NELL1: variants seen among roughly 807,000 people sequenced by gnomAD.
NELL1 encodes the protein neural EGFL like 1.
Under a neutral mutation model 107.4 loss-of-function variants are expected in NELL1, and 76 were observed. The observed-to-expected ratio is 0.71, with a 90% CI of 0.59 to 0.86. The LOEUF (loss-of-function observed/expected upper bound fraction) is 0.86, where lower values mean the gene tolerates loss of function less well. NELL1 is among the 40% of genes least tolerant of loss of function. The pLI, the probability that NELL1 is intolerant of heterozygous loss-of-function variation, is 0.00. For missense variants in NELL1, 1,024 were observed against 1,005.5 expected (o/e 1.02, Z -0.25); for synonymous variants, 353 against 341.2 (o/e 1.03, Z -0.38).
At chr11:20,677,829 T>C in intron 1 of NELL1, 103 bp from the exon 2 acceptor site, 1 of 1,356,450 alleles carries the variant, frequency 7.4e-7, no homozygotes, top group Non-Finnish European at 1.0e-6. Flanking sequence ...CAAGCACTCA[T>C]CATTGGCTTC....
chr11:20,688,354 G>C (rs1854361853), intron 2 of NELL1, among the ~76,000 whole-genome samples: 1 of 152,060 alleles, frequency 6.6e-6, no homozygotes, highest in Non-Finnish European at 1.5e-5. Flanking sequence ...ATAGTACCCA[G>C]TGGTTTTTCA....
chr11:21,141,380 A>T (rs192306002), intron 13 of NELL1, among the ~76,000 whole-genome samples: 1 of 152,330 alleles, frequency 6.6e-6, no homozygotes, highest in African/African-American at 2.4e-5. Flanking sequence ...TTTCTTTGGC[A>T]ATCACATACA....
At chr11:21,041,288 G>T (rs762617748) in intron 12 of NELL1, among the ~76,000 whole-genome samples, 11 of 152,080 alleles carry the variant, frequency 7.2e-5, no homozygotes, top group Non-Finnish European at 1.3e-4. Flanking sequence ...TTGCGTAGTC[G>T]CTTTGAGTTA....
intron 4 of NELL1, among the ~76,000 whole-genome samples, chr11:20,854,749 C>A (rs1848851457): frequency 6.6e-6 from 1 of 152,086 alleles, no homozygotes; most frequent in Non-Finnish European, 1.5e-5. Flanking sequence ...CCATGGAGGC[C>A]TTGGTAGCTC....
chr11:20,990,574 A>G lies in NELL1; in HGVS notation c.1300+30014A>G, dbSNP rs566701320. 2.6e-5 allele frequency among the ~76,000 whole-genome samples: 4 copies of G among 152,300 alleles called. No individual in the cohort carries two copies. The East Asian group carries it at 7.7e-4, about 29-fold the overall frequency. On this transcript the variant is annotated intron_variant, in intron 12 of 19. Coordinates refer to ENST00000357134, the MANE Select transcript of NELL1 (RefSeq NM_006157.5). ...ACACAGACATTGGTAGTTTCATTGC[A>G]TAATAGATACCCAGCTGAGGAATGG...
At chr11:21,154,993 G>A (rs140104355) in intron 13 of NELL1, among the ~76,000 whole-genome samples, 11 of 152,246 alleles carry the variant, frequency 7.2e-5, no homozygotes, top group African/African-American at 1.9e-4. Context: ...GAGGTTAGGC[G>A]CAGAAAACTC....
intron 15 of NELL1, among the ~76,000 whole-genome samples, chr11:21,407,499 G>C (rs1852264325): frequency 6.6e-6 from 1 of 151,870 alleles, no homozygotes; most frequent in Admixed American, 6.6e-5. Context: ...CATTTGGCCA[G>C]TCTCCCTATT....
intron 4 of NELL1, among the ~76,000 whole-genome samples, chr11:20,857,919 A>G (rs1054172302): frequency 1.3e-5 from 2 of 152,166 alleles, no homozygotes; most frequent in Non-Finnish European, 2.9e-5. Flanking sequence ...TATGGAAGGG[A>G]GCCAAGCTCC....
In NELL1 at chr11:21,118,584, T is replaced by G. The variant is rs527339731; in HGVS notation, c.1426+4870T>G. ...AGATATCTGCCACTATAAAATGTCT[T>G]TTCAAATGTTTCATTGCCAGATGAT... On this transcript the variant is annotated intron_variant, in intron 13 of 19. Coordinates refer to ENST00000357134, the MANE Select transcript of NELL1 (RefSeq NM_006157.5). Among the ~76,000 whole-genome samples, 152 of 152,218 alleles carry G rather than the reference T, an allele frequency of 1.0e-3. 1 individual carries two copies. Among genetic ancestry groups the G allele is most frequent in the African/African-American group, 3.4e-3 (143 of 41,558 alleles).
At chr11:21,277,224 A>G (rs1848885185) in intron 14 of NELL1, among the ~76,000 whole-genome samples, 1 of 152,244 alleles carries the variant, frequency 6.6e-6, no homozygotes, top group Non-Finnish European at 1.5e-5. Context: ...CAGCCCCATC[A>G]AAAAGTGGGT....
At chr11:20,786,441 C>T (rs1324219760) in intron 3 of NELL1, among the ~76,000 whole-genome samples, 2 of 151,780 alleles carry the variant, frequency 1.3e-5, no homozygotes, top group South Asian at 2.1e-4. Context: ...GCATAGAGGT[C>T]TCTTACCACT....
intron 15 of NELL1, among the ~76,000 whole-genome samples, chr11:21,415,047 C>T (rs558951222): frequency 8.5e-5 from 13 of 152,202 alleles, no homozygotes; most frequent in African/African-American, 2.9e-4. Context: ...TTGAATTACT[C>T]AGTTAACCAT....
At chr11:20,939,443 C>T (rs568455602) in intron 10 of NELL1, among the ~76,000 whole-genome samples, 19 of 152,008 alleles carry the variant, frequency 1.2e-4, no homozygotes, top group African/African-American at 3.6e-4. Flanking sequence ...GCGGGGATCC[C>T]GGCAAGCACA....
chr11:21,351,045 A>G (rs959346562), intron 14 of NELL1, among the ~76,000 whole-genome samples: 12 of 152,144 alleles, frequency 7.9e-5, no homozygotes, highest in Admixed American at 6.6e-4. Context: ...TATAAATGAT[A>G]TCAGTAATAA....
intron 14 of NELL1, among the ~76,000 whole-genome samples, chr11:21,277,621 T>C (rs1000704696): frequency 6.6e-6 from 1 of 152,174 alleles, no homozygotes; most frequent in African/African-American, 2.4e-5. Flanking sequence ...GCGGCACTAT[T>C]CATAATAGCA....
chr11:21,246,832 T>A (rs1858504955), intron 14 of NELL1, among the ~76,000 whole-genome samples: 1 of 152,148 alleles, frequency 6.6e-6, no homozygotes, highest in Non-Finnish European at 1.5e-5. Flanking sequence ...AAGGCACACC[T>A]TACATGGTGG....
chr11:20,954,747 A>G (rs1390384972), intron 11 of NELL1, among the ~76,000 whole-genome samples: 1 of 152,202 alleles, frequency 6.6e-6, no homozygotes, highest in East Asian at 1.9e-4. Context: ...AGGCATAATC[A>G]AAGTGGATTT....
chr11:20,985,821 G>T (rs1366624913), intron 12 of NELL1, among the ~76,000 whole-genome samples: 1 of 152,100 alleles, frequency 6.6e-6, no homozygotes, highest in African/African-American at 2.4e-5. Flanking sequence ...TTTTTTTATG[G>T]AGCAGAAGAA....
chr11:21,295,636 C>A (rs147344165), intron 14 of NELL1, among the ~76,000 whole-genome samples: 1 of 151,970 alleles, frequency 6.6e-6, no homozygotes, highest in Non-Finnish European at 1.5e-5. Flanking sequence ...GTTGGGAATA[C>A]GCATAATTTC....
Sources: gnomAD v4.1 joint callset for allele counts (sites outside exome capture counted in the v4.1 genomes callset) on GRCh38, gnomAD v4.1.1 for gene constraint, MANE v1.5 for transcripts, NCBI Gene and HGNC (gene_info 2026-07-23, HGNC 2026-07-21) for gene names.